The following CHEK2 variants were observed in gnomAD, a reference collection of about 807,000 sequenced individuals.
The protein encoded by CHEK2 is serine/threonine-protein kinase Chk2.
A neutral mutation model predicts 69.1 loss-of-function variants in CHEK2; 71 were observed. That is an observed-to-expected ratio of 1.03 (90% CI 0.85 to 1.25). The LOEUF (loss-of-function observed/expected upper bound fraction) is 1.25, where lower values mean the gene tolerates loss of function less well. Ranked by LOEUF, CHEK2 falls within the 50% of genes most tolerant of loss-of-function variation. CHEK2 has a pLI of 0.00. For missense variants in CHEK2, 664 were observed against 649.6 expected (o/e 1.02, Z -0.24); for synonymous variants, 189 against 226.9 (o/e 0.83, Z 1.50).
intron 8 of CHEK2, among the ~76,000 whole-genome samples, chr22:28,702,441 T>C (rs898264118): frequency 6.6e-6 from 1 of 151,520 alleles, no homozygotes; most frequent in African/African-American, 2.4e-5. Flanking sequence ...GGTTTCACCG[T>C]GTTAGCCAGG....
At chr22:28,691,111 C>G (rs2052345605) in intron 13 of CHEK2, among the ~76,000 whole-genome samples, 1 of 152,210 alleles carries the variant, frequency 6.6e-6, no homozygotes, top group African/African-American at 2.4e-5. Context: ...GTGTCACTCT[C>G]AAAAGTCCAT....
chr22:28,689,192 A>G lies in CHEK2; in HGVS notation c.1485T>C (p.Phe495=), dbSNP rs2145750188. 1 of 1,593,326 alleles carries G rather than the reference A, an allele frequency of 6.3e-7. No individual in the cohort carries two copies. The highest frequency in any genetic ancestry group is 8.5e-7 in the Non-Finnish European group (1 of 1,177,034). The change falls in exon 14 of 15, where the codon TTT becomes TTC. Residue 495 remains phenylalanine, a synonymous_variant. Coordinates refer to ENST00000404276, the MANE Select transcript of CHEK2 (RefSeq NM_007194.4). ...WLQDEDMKRK[F]QDLLSEENES... is the part of the protein sequence containing the mutation. ...CATTTTCCTCAGACAGAAGATCTTG[A>G]AACTTTCTCTTCATGTCTTCATCCT... is the stretch of plus-strand genomic sequence containing the variant.
chr22:28,726,511 C>A (rs1439911861), intron 2 of CHEK2: 2 of 142,266 alleles, frequency 1.4e-5, no homozygotes, highest in Non-Finnish European at 3.0e-5. Flanking sequence ...TATATTTATA[C>A]ACAATATAAC....
At chr22:28,741,077 G>A (rs2054540470) in intron 1 of CHEK2, among the ~76,000 whole-genome samples, 1 of 147,064 alleles carries the variant, frequency 6.8e-6, no homozygotes, top group Admixed American at 6.9e-5. Flanking sequence ...TTGAACCCAG[G>A]AGGCAGAAGT....
chr22:28,697,156 T>C (rs2052623559), intron 9 of CHEK2, among the ~76,000 whole-genome samples, 169 bp from the exon 10 acceptor site: 1 of 152,168 alleles, frequency 6.6e-6, no homozygotes, highest in Admixed American at 6.6e-5. Flanking sequence ...TACAAATTTG[T>C]TTGAGAAGAT....
intron 2 of CHEK2, among the ~76,000 whole-genome samples, chr22:28,726,075 G>C (rs1158578103): frequency 6.6e-6 from 1 of 151,848 alleles, no homozygotes; most frequent in Non-Finnish European, 1.5e-5. Context: ...GTGGTGGCGG[G>C]TGCCTGTAAT....
At chr22:28,708,085 C>T (rs2053223592) in intron 7 of CHEK2, among the ~76,000 whole-genome samples, 1 of 152,170 alleles carries the variant, frequency 6.6e-6, no homozygotes, top group African/African-American at 2.4e-5. Context: ...ATGATCCACC[C>T]GCCCCGGCTT....
intron 5 of CHEK2, among the ~76,000 whole-genome samples, chr22:28,718,529 A>C (rs2053659762): frequency 6.6e-6 from 1 of 152,178 alleles, no homozygotes; most frequent in African/African-American, 2.4e-5. Flanking sequence ...GAAGCAACCA[A>C]AGTGTCCATA....
intron 2 of CHEK2, among the ~76,000 whole-genome samples, chr22:28,726,039 C>T (rs1241281714): frequency 6.6e-6 from 1 of 151,804 alleles, no homozygotes; most frequent in Non-Finnish European, 1.5e-5. Flanking sequence ...CCTGTCTCTA[C>T]TAAAAAATAC....
chr22:28,706,993 G>A (rs943951980), intron 7 of CHEK2, among the ~76,000 whole-genome samples: 25 of 152,142 alleles, frequency 1.6e-4, no homozygotes, highest in African/African-American at 5.8e-4. Context: ...GAAGGAAAAA[G>A]GGAACTGCTT....
rs876659400 is a variant in CHEK2 at position 28,725,049 on chromosome 22, G to A, written c.520C>T (p.Leu174Phe). The A allele has an allele frequency of 1.1e-5, 18 of 1,613,876 alleles. No individual in the cohort carries two copies. The highest frequency in any genetic ancestry group is 6.7e-5 in the Admixed American group (4 of 59,966). Reference protein sequence around the residue: ...SGNGTFVNTELVGKGKRRPLN... With the variant: ...SGNGTFVNTEFVGKGKRRPLN... ...GGACGGCGTTTTCCTTTCCCTACAA[G>A]CTCTGTATTTACAAAGGTTCCATTG... Residue 174 changes from leucine to phenylalanine, a missense_variant, in exon 4 of 15, where the codon CTT becomes TTT. Transcript: ENST00000404276.
rs1555926697 is a variant in CHEK2, at chr22:28,724,963, GATA to G, written c.592+11_592+13del. ...AAAAAAAAAATTCCAGTAACCATAA[GATA>G]ATAATATTACCTTTATTTCTGCTTA... On this transcript the variant is annotated intron_variant, in intron 4 of 14. Coordinates refer to ENST00000404276, the MANE Select transcript of CHEK2 (RefSeq NM_007194.4). 1.9e-6 allele frequency: 3 copies of G among 1,613,430 alleles called. No homozygotes were observed. In the Middle Eastern group the frequency reaches 4.9e-4, roughly 266 times the overall value.
At chr22:28,712,506 C>A (rs182413621) in intron 5 of CHEK2, among the ~76,000 whole-genome samples, 19 of 152,236 alleles carry the variant, frequency 1.2e-4, no homozygotes, top group Non-Finnish European at 2.4e-4. Flanking sequence ...TAAGTTGCAC[C>A]CTAAATCAAA....
intron 13 of CHEK2, among the ~76,000 whole-genome samples, chr22:28,692,727 T>TA (rs1284443106): frequency 6.6e-6 from 1 of 152,328 alleles, no homozygotes; most frequent in East Asian, 1.9e-4. Flanking sequence ...AACGGATTGA[T>TA]ACAGTTTGGC....
intron 5 of CHEK2, among the ~76,000 whole-genome samples, chr22:28,714,647 C>T (rs546057184): frequency 2.6e-5 from 4 of 152,124 alleles, no homozygotes; most frequent in Non-Finnish European, 4.4e-5. Flanking sequence ...TTGATTAAGT[C>T]TAATTTATCT....
chr22:28,694,346 C>T (rs1023468478), intron 12 of CHEK2, among the ~76,000 whole-genome samples: 30 of 152,254 alleles, frequency 2.0e-4, no homozygotes, highest in Non-Finnish European at 3.5e-4. Context: ...ACGTCAGTCA[C>T]GACCTCTTCA....
chr22:28,721,008 G>A (rs926551521), intron 4 of CHEK2, among the ~76,000 whole-genome samples: 2 of 152,142 alleles, frequency 1.3e-5, no homozygotes, highest in Non-Finnish European at 2.9e-5. Context: ...CAGATCCTCC[G>A]GTTGTGGGAC....
chr22:28,729,853 A>G (rs1475206003), intron 2 of CHEK2, among the ~76,000 whole-genome samples: 4 of 152,048 alleles, frequency 2.6e-5, no homozygotes, highest in Non-Finnish European at 5.9e-5. Flanking sequence ...GGCCTTAAGC[A>G]CTTCTCCTGC....
intron 9 of CHEK2, 112 bp downstream of exon 9, chr22:28,699,726 A>T: frequency 1.2e-6 from 1 of 839,442 alleles, no homozygotes; most frequent in Non-Finnish European, 2.1e-6. Flanking sequence ...AACAGCAAAC[A>T]CACAGATTCT....
Sources: gnomAD v4.1 joint callset for allele counts (sites outside exome capture counted in the v4.1 genomes callset) on GRCh38, gnomAD v4.1.1 for gene constraint, MANE v1.5 for transcripts, NCBI Gene and HGNC (gene_info 2026-07-23, HGNC 2026-07-21) for gene names.